Variants in KAZN observed in about 807,000 individuals in gnomAD.
The protein encoded by KAZN is kazrin, periplakin interacting protein, also known as kazrin.
Under a neutral mutation model 87.4 loss-of-function variants are expected in KAZN, and 40 were observed. The ratio of observed to expected loss-of-function variants is 0.46; its 90% confidence interval spans 0.36 to 0.60. The LOEUF is 0.60. Ranked by LOEUF, KAZN falls within the 20% of genes least tolerant of loss-of-function variation. The pLI is 0.00. For synonymous variants in KAZN, 466 were observed against 458.3 expected (o/e 1.02, Z -0.22); for missense variants, 898 against 1,073.9 (o/e 0.84, Z 2.29).
chr1:14,581,743 G>T (rs572032415), intron 2 of KAZN, among the ~76,000 whole-genome samples: 1 of 152,160 alleles, frequency 6.6e-6, no homozygotes, highest in East Asian at 1.9e-4. Context: ...ACAAGTCAGG[G>T]CCTCTCATAT....
chr1:14,976,325 A>C (rs1379009336), intron 2 of KAZN, among the ~76,000 whole-genome samples: 2 of 152,092 alleles, frequency 1.3e-5, no homozygotes, highest in Non-Finnish European at 2.9e-5. Flanking sequence ...ACAGCACGTC[A>C]TCAGGCCAGG....
chr1:14,156,698 C>T (rs909744350), intron 1 of KAZN, among the ~76,000 whole-genome samples: 11 of 152,200 alleles, frequency 7.2e-5, no homozygotes, highest in South Asian at 2.1e-4. Context: ...TATCTCTTTC[C>T]GTTCCTTTAT....
At chr1:14,921,356 T>A (rs1043470714) in intron 1 of KAZN, among the ~76,000 whole-genome samples, 1 of 152,250 alleles carries the variant, frequency 6.6e-6, no homozygotes, top group African/African-American at 2.4e-5. Flanking sequence ...TGGTCCCTGG[T>A]GGCCAATGGG....
At chr1:14,548,374 T>C (rs1673301970) in intron 2 of KAZN, among the ~76,000 whole-genome samples, 1 of 152,018 alleles carries the variant, frequency 6.6e-6, no homozygotes, top group South Asian at 2.1e-4. Context: ...AATTTTTATA[T>C]TTTTAGTAGA....
At chr1:14,501,080 AAAAT>A (rs148614828) in intron 2 of KAZN, among the ~76,000 whole-genome samples, 47,087 of 140,588 alleles carry the variant, frequency 0.33, 8,486 homozygotes, top group Admixed American at 0.45. Flanking sequence ...GCATCTGCAA[AAAAT>A]AAATAAATAA....
chr1:15,112,334 T>TGTGTG (rs1641662919), intron 13 of KAZN, 93 bp from the exon 14 acceptor site: 1 of 7,528 alleles, frequency 1.3e-4, no homozygotes, highest in African/African-American at 8.3e-4. Flanking sequence ...CACCAATGTG[T>TGTGTG]GTGTGTGTGT....
At chr1:14,427,739 C>T (rs183118809) in intron 2 of KAZN, among the ~76,000 whole-genome samples, 142 of 152,238 alleles carry the variant, frequency 9.3e-4, no homozygotes, top group Non-Finnish European at 1.4e-3. Context: ...GAGTTTGCCG[C>T]CCACCAAGCA....
At chr1:14,914,548 C>A (rs1657595183) in intron 1 of KAZN, among the ~76,000 whole-genome samples, 2 of 152,166 alleles carry the variant, frequency 1.3e-5, no homozygotes, top group Admixed American at 1.3e-4. Context: ...GCACTTTAAG[C>A]CTTAAAGGGA....
chr1:14,795,368 A>G (rs1645799136), intron 1 of KAZN, among the ~76,000 whole-genome samples: 1 of 152,076 alleles, frequency 6.6e-6, no homozygotes, highest in Non-Finnish European at 1.5e-5. Context: ...AGGTCTGGAA[A>G]TGAGCATACG....
intron 1 of KAZN, among the ~76,000 whole-genome samples, chr1:14,668,844 C>T (rs1256987026): frequency 1.3e-5 from 2 of 152,188 alleles, no homozygotes; most frequent in East Asian, 3.9e-4. Flanking sequence ...CCGGCTGCAG[C>T]TCACGCAGCT....
Position 14,514,821 on chromosome 1 carries a change from C to CCA in KAZN, c.250-84161_250-84160dup, listed in dbSNP as rs796666441. On this transcript the variant is annotated intron_variant, in intron 2 of 16. Transcript: ENST00000636203. ...TCATTCATAAAATGGAACTAATAAA[C>CCA]CAATGCACCTGATACAATTGTTGTT... 3.2e-4 allele frequency among the ~76,000 whole-genome samples: 49 copies of CCA among 151,580 alleles called. 1 individual carries two copies. Among genetic ancestry groups the CCA allele is most frequent in the African/African-American group, 1.1e-3 (47 of 41,286 alleles).
intron 2 of KAZN, among the ~76,000 whole-genome samples, chr1:14,477,425 C>CTT (rs148927310): frequency 7.0e-6 from 1 of 142,256 alleles, no homozygotes; most frequent in Non-Finnish European, 1.6e-5. Flanking sequence ...TAATTCATTC[C>CTT]CTCTCTCTCT....
intron 8 of KAZN, among the ~76,000 whole-genome samples, chr1:15,074,250 C>T (rs1487828531): frequency 1.3e-5 from 2 of 152,236 alleles, no homozygotes; most frequent in African/African-American, 4.8e-5. Flanking sequence ...CCCTCCCTGC[C>T]ATCCGCCTCC....
At chr1:14,076,992 C>T (rs1357254211) in intron 1 of KAZN, among the ~76,000 whole-genome samples, 2 of 152,152 alleles carry the variant, frequency 1.3e-5, no homozygotes, top group African/African-American at 4.8e-5. Flanking sequence ...TTGATTCATA[C>T]ACGTCTAGGA....
intron 1 of KAZN, among the ~76,000 whole-genome samples, chr1:14,622,925 AT>A (rs5772593): frequency 0.34 from 50,344 of 148,170 alleles, 9,000 homozygotes; most frequent in African/African-American, 0.49. Context: ...AGTGTTCTTA[AT>A]TTTTTTTTTT....
chr1:14,682,673 A>T lies in KAZN; in HGVS notation c.226+83450A>T, dbSNP rs577557807. 4.6e-5 allele frequency among the ~76,000 whole-genome samples: 7 copies of T among 152,308 alleles called. No homozygotes were observed. In the East Asian group the frequency reaches 1.4e-3, roughly 29 times the overall value. Reference sequence around the variant, plus strand: ...TTGTTATATTTTTAATGGAAAAAAAAATGTATTCTAAAAGAAAACAGAGTT... The same window carrying T: ...TTGTTATATTTTTAATGGAAAAAAATATGTATTCTAAAAGAAAACAGAGTT... On this transcript the variant is annotated intron_variant, in intron 1 of 14. Transcript: ENST00000376030.
At chr1:14,505,712 G>T (rs939632679) in intron 2 of KAZN, among the ~76,000 whole-genome samples, 2 of 152,172 alleles carry the variant, frequency 1.3e-5, no homozygotes, top group African/African-American at 4.8e-5. Context: ...GGTGGCTCAC[G>T]CCTGTAATCC....
chr1:14,219,215 T>C (rs1557569949), intron 2 of KAZN, among the ~76,000 whole-genome samples: 1 of 152,052 alleles, frequency 6.6e-6, no homozygotes, highest in African/African-American at 2.4e-5. Context: ...GTGATAAAAC[T>C]GTAAAGGAAA....
At chr1:15,030,833 GGA>G (rs767838927) in intron 2 of KAZN, among the ~76,000 whole-genome samples, 38 of 152,346 alleles carry the variant, frequency 2.5e-4, no homozygotes, top group Non-Finnish European at 4.7e-4. Flanking sequence ...AAGCCAGGCA[GGA>G]GAGGACAGAT....
Sources: gnomAD v4.1 joint callset for allele counts (sites outside exome capture counted in the v4.1 genomes callset) on GRCh38, gnomAD v4.1.1 for gene constraint, MANE v1.5 for transcripts, NCBI Gene and HGNC (gene_info 2026-07-23, HGNC 2026-07-21) for gene names.